The following EPHA6 variants were observed in gnomAD, a reference collection of about 807,000 sequenced individuals.
EPHA6 encodes EPH receptor A6.
Under a neutral mutation model 112.0 loss-of-function variants are expected in EPHA6, and 50 were observed. The ratio of observed to expected loss-of-function variants is 0.45; its 90% confidence interval spans 0.36 to 0.56. The LOEUF (loss-of-function observed/expected upper bound fraction) is 0.56, where lower values mean the gene tolerates loss of function less well. EPHA6 is among the 20% of genes least tolerant of loss of function. EPHA6 has a pLI of 0.00. For missense variants in EPHA6, 1,280 were observed against 1,417.4 expected (o/e 0.90, Z 1.56); for synonymous variants, 529 against 490.7 (o/e 1.08, Z -1.03).
At chr3:97,406,222 A>T (rs1286447207) in intron 6 of EPHA6, among the ~76,000 whole-genome samples, 1 of 152,148 alleles carries the variant, frequency 6.6e-6, no homozygotes, top group Non-Finnish European at 1.5e-5. Context: ...TTCTTAGTTT[A>T]TTTTGTCTGC....
chr3:97,724,980 T>C (rs1272328851), intron 15 of EPHA6, among the ~76,000 whole-genome samples: 1 of 152,028 alleles, frequency 6.6e-6, no homozygotes, highest in Non-Finnish European at 1.5e-5. Flanking sequence ...CCAAGAAAGC[T>C]TGCAGGCCCT....
At chr3:96,913,874 T>A (rs1010759052) in intron 2 of EPHA6, among the ~76,000 whole-genome samples, 1 of 152,146 alleles carries the variant, frequency 6.6e-6, no homozygotes, top group African/African-American at 2.4e-5. Context: ...TTAAAAAACA[T>A]TTATTGAGGG....
rs2077761395 is a variant in EPHA6 at position 97,208,058 on chromosome 3, G to A, written c.1115-18206G>A. On this transcript the variant is annotated intron_variant, in intron 3 of 17. Coordinates refer to ENST00000389672, the MANE Select transcript of EPHA6 (RefSeq NM_001080448.3). ...TGCCCTAGTCTCTGGTGATTACACAGCCACATAGAGCTATTGCAAGCAGGG... is the reference window on the plus strand; with the variant it reads ...TGCCCTAGTCTCTGGTGATTACACAACCACATAGAGCTATTGCAAGCAGGG... 2.0e-5 allele frequency among the ~76,000 whole-genome samples: 3 copies of A among 152,096 alleles called. No individual in the cohort carries two copies. In the South Asian group the frequency reaches 6.2e-4, roughly 32 times the overall value.
chr3:97,280,354 A>G (rs558257547), intron 5 of EPHA6, among the ~76,000 whole-genome samples: 3 of 152,364 alleles, frequency 2.0e-5, no homozygotes. Flanking sequence ...AGTTCCTGGC[A>G]TGTGGTAAGT....
intron 5 of EPHA6, among the ~76,000 whole-genome samples, chr3:97,373,499 T>G (rs2085182446): frequency 6.6e-6 from 1 of 152,160 alleles, no homozygotes; most frequent in East Asian, 1.9e-4. Flanking sequence ...GTAAGTCACT[T>G]TAAAAGATAA....
intron 3 of EPHA6, among the ~76,000 whole-genome samples, chr3:97,084,100 G>GTGTGT (rs2046812699): frequency 2.7e-5 from 2 of 74,362 alleles, no homozygotes; most frequent in African/African-American, 1.6e-4. Flanking sequence ...GTGTGTGCAT[G>GTGTGT]GATATATATA....
intron 3 of EPHA6, among the ~76,000 whole-genome samples, chr3:97,171,713 T>C (rs1009207630): frequency 3.3e-5 from 5 of 151,900 alleles, no homozygotes; most frequent in African/African-American, 1.2e-4. Flanking sequence ...AAATGATTAG[T>C]TCAATTAGAG....
chr3:97,194,943 G>A (rs2077401234), intron 3 of EPHA6, among the ~76,000 whole-genome samples: 1 of 151,942 alleles, frequency 6.6e-6, no homozygotes, highest in Admixed American at 6.6e-5. Flanking sequence ...CAGTCTATGT[G>A]TGGCTTTACA....
rs115388781 is a variant in EPHA6, at chr3:97,567,325, A to G, written c.2387-25287A>G. ...AATAAAGGCTTGTGTGCCAAAAAAT[A>G]AATCCAGGCCTGCCACATTGCACAA... On this transcript the variant is annotated intron_variant, in intron 11 of 17. Coordinates refer to ENST00000389672, the MANE Select transcript of EPHA6 (RefSeq NM_001080448.3). Among the ~76,000 whole-genome samples, 797 of 152,360 alleles carry G rather than the reference A, an allele frequency of 5.2e-3. 7 individuals are homozygous for G. The highest frequency in any genetic ancestry group is 0.018 in the African/African-American group (728 of 41,578).
intron 12 of EPHA6, among the ~76,000 whole-genome samples, chr3:97,607,917 A>G (rs541869680): frequency 1.3e-4 from 19 of 151,248 alleles, no homozygotes; most frequent in African/African-American, 4.3e-4. Context: ...CTCTCACCTA[A>G]AACAGATTTA....
intron 11 of EPHA6, among the ~76,000 whole-genome samples, chr3:97,536,890 G>A (rs2092771758): frequency 6.6e-6 from 1 of 152,116 alleles, no homozygotes; most frequent in African/African-American, 2.4e-5. Flanking sequence ...AAGTAAATTA[G>A]ACTAGAAAAC....
chr3:97,586,693 G>A (rs925644921), intron 11 of EPHA6, among the ~76,000 whole-genome samples: 2 of 151,304 alleles, frequency 1.3e-5, no homozygotes, highest in Non-Finnish European at 2.9e-5. Context: ...TTAGATAGAT[G>A]GATGGATAGA....
intron 14 of EPHA6, among the ~76,000 whole-genome samples, chr3:97,696,890 C>T (rs1186479797): frequency 6.6e-6 from 1 of 152,170 alleles, no homozygotes; most frequent in African/African-American, 2.4e-5. Flanking sequence ...TTGCTGGCCA[C>T]AGTGTCAGTG....
At chr3:97,193,725 G>T (rs550992229) in intron 3 of EPHA6, among the ~76,000 whole-genome samples, 2 of 152,056 alleles carry the variant, frequency 1.3e-5, no homozygotes, top group African/African-American at 4.8e-5. Flanking sequence ...GATCTTAGAG[G>T]AGAGGCCTTC....
intron 3 of EPHA6, among the ~76,000 whole-genome samples, chr3:97,084,067 AGTGTGT>A (rs145113129): frequency 0.13 from 14,479 of 109,506 alleles, 1,005 homozygotes; most frequent in Middle Eastern, 0.26. Context: ...TATTTCTTAA[AGTGTGT>A]GTGTGTGTGT....
chr3:97,633,143 TGAGA>T (rs1264117821), intron 13 of EPHA6, among the ~76,000 whole-genome samples: 1 of 152,098 alleles, frequency 6.6e-6, no homozygotes. Flanking sequence ...TTCTGGTGTC[TGAGA>T]GAGTCTGATG....
intron 11 of EPHA6, among the ~76,000 whole-genome samples, chr3:97,537,207 G>A (rs1577697020): frequency 6.6e-6 from 1 of 152,258 alleles, no homozygotes; most frequent in East Asian, 1.9e-4. Context: ...AATATACATT[G>A]TATGGGGTAA....
intron 3 of EPHA6, among the ~76,000 whole-genome samples, chr3:97,187,699 A>AAGAAAG (rs1258104445): frequency 7.7e-6 from 1 of 130,336 alleles, no homozygotes; most frequent in Non-Finnish European, 1.7e-5. Flanking sequence ...GAAAGAAAGA[A>AAGAAAG]AGAAAGAAAG....
chr3:97,371,798 C>T (rs777513980), intron 5 of EPHA6, among the ~76,000 whole-genome samples: 10 of 152,046 alleles, frequency 6.6e-5, no homozygotes, highest in Non-Finnish European at 8.8e-5. Context: ...AGAATGCATG[C>T]CTAGGGGTAG....
Sources: gnomAD v4.1 joint callset for allele counts (sites outside exome capture counted in the v4.1 genomes callset) on GRCh38, gnomAD v4.1.1 for gene constraint, MANE v1.5 for transcripts, NCBI Gene and HGNC (gene_info 2026-07-23, HGNC 2026-07-21) for gene names.